PRDM10: variants seen among roughly 807,000 people sequenced by gnomAD.
PRDM10 encodes PR/SET domain 10, also known as PR domain zinc finger protein 10.
Under a neutral mutation model 133.1 loss-of-function variants are expected in PRDM10, and 65 were observed. The ratio of observed to expected loss-of-function variants is 0.49; its 90% CI spans 0.40 to 0.60. PRDM10 has a LOEUF of 0.60. PRDM10 is among the 20% of genes least tolerant of loss of function. The pLI is 0.00. For synonymous variants in PRDM10, 582 were observed against 580.4 expected (o/e 1.00, Z -0.04); for missense variants, 1,137 against 1,507.1 (o/e 0.75, Z 4.07).
intron 20 of PRDM10, among the ~76,000 whole-genome samples, chr11:129,904,612 G>T (rs1949955041): frequency 6.6e-6 from 1 of 152,118 alleles, no homozygotes; most frequent in Non-Finnish European, 1.5e-5. Flanking sequence ...CAATTCTCAT[G>T]CTTCAGCCTC....
At chr11:129,960,282 C>T (rs1393504088) in intron 2 of PRDM10, among the ~76,000 whole-genome samples, 1 of 152,134 alleles carries the variant, frequency 6.6e-6, no homozygotes, top group Non-Finnish European at 1.5e-5. Flanking sequence ...AAACATGGCT[C>T]CATATGACTG....
intron 1 of PRDM10, among the ~76,000 whole-genome samples, chr11:129,990,522 CAA>C (rs59217112): frequency 4.4e-3 from 297 of 67,080 alleles, no homozygotes; most frequent in African/African-American, 0.014. Context: ...ACTTTGTCTC[CAA>C]AAAAAAAAAA....
chr11:129,944,025 A>G (rs1484711767), intron 6 of PRDM10, among the ~76,000 whole-genome samples: 1 of 152,060 alleles, frequency 6.6e-6, no homozygotes, highest in African/African-American at 2.4e-5. Flanking sequence ...AACATTATAA[A>G]TAAATAAGAA....
intron 18 of PRDM10, among the ~76,000 whole-genome samples, chr11:129,910,900 G>T (rs1287194762): frequency 6.6e-6 from 1 of 151,874 alleles, no homozygotes; most frequent in Non-Finnish European, 1.5e-5. Context: ...CCTCAGCCTC[G>T]CGAGTAGCTA....
intron 7 of PRDM10, among the ~76,000 whole-genome samples, chr11:129,940,519 T>C (rs1230548915): frequency 2.0e-5 from 3 of 152,348 alleles, no homozygotes; most frequent in African/African-American, 4.8e-5. Context: ...TAGTAGCTCA[T>C]AGTTATTTTG....
At chr11:129,931,860 G>A (rs1448840767) in intron 10 of PRDM10, among the ~76,000 whole-genome samples, 1 of 152,180 alleles carries the variant, frequency 6.6e-6, no homozygotes, top group East Asian at 1.9e-4. Flanking sequence ...GAGCCACTGC[G>A]CCTGGCCAAG....
intron 7 of PRDM10, among the ~76,000 whole-genome samples, chr11:129,940,045 TCAAA>T (rs1951158255): frequency 6.6e-6 from 1 of 152,086 alleles, no homozygotes; most frequent in African/African-American, 2.4e-5. Flanking sequence ...CACAATGAAG[TCAAA>T]CAGTGATGCA....
Position 129,931,046 on chromosome 11 carries a change from G to C in PRDM10, c.1500C>G (p.Ala500=), listed in dbSNP as rs775572150. 94 of 1,613,754 alleles carry C rather than the reference G, an allele frequency of 5.8e-5. No individual in the cohort carries two copies. Among genetic ancestry groups the C allele is most frequent in the Non-Finnish European group, 7.8e-5 (92 of 1,179,904 alleles). The change falls in exon 11 of 21, where the codon GCC becomes GCG. Residue 500 remains alanine, a synonymous_variant. Transcript: ENST00000360871. ...TGCGCTTGGCTCTGCGCATGTCGTC[G>C]GCTGTCAGCGTGCTCTGGGTGGGCA... The part of the protein sequence containing the change: ...SVVPTQSTLT[A]DDMRRAKRIR...
chr11:129,972,009 C>T (rs1039505053), intron 1 of PRDM10, among the ~76,000 whole-genome samples: 44 of 152,350 alleles, frequency 2.9e-4, no homozygotes, highest in African/African-American at 9.9e-4. Context: ...GGTGAGAAAT[C>T]GAGTGCAGCG....
chr11:129,910,502 C>T lies in PRDM10; in HGVS notation c.3137G>A (p.Ser1046Asn), dbSNP rs1405211204. 5 of 1,614,038 alleles carry T rather than the reference C, an allele frequency of 3.1e-6. No individual in the cohort carries two copies. The highest frequency in any genetic ancestry group is 4.2e-6 in the Non-Finnish European group (5 of 1,180,058). The part of the protein sequence containing the change: ...NSSVQHTYLP[S>N]AWNSFRGYSS... ...ATAGCCACGGAAGGAATTCCAAGCA[C>T]TGGGCAGGTACGTGTGCTGCACAGA... Residue 1046 changes from serine (S) to asparagine (N), a missense_variant, in exon 19 of 21, where the codon AGT becomes AAT. Ser to Asn is a conservative substitution (Grantham distance 46, BLOSUM62 1). Coordinates refer to ENST00000360871, the MANE Select transcript of PRDM10 (RefSeq NM_199437.2).
intron 13 of PRDM10, among the ~76,000 whole-genome samples, chr11:129,922,248 T>C (rs1334919207): frequency 1.3e-5 from 2 of 152,196 alleles, no homozygotes; most frequent in African/African-American, 4.8e-5. Context: ...TGTTAAAATA[T>C]GGTATCTGGC....
intron 1 of PRDM10, among the ~76,000 whole-genome samples, 197 bp downstream of exon 1, chr11:130,002,525 G>C (rs1412599086): frequency 4.6e-5 from 7 of 151,968 alleles, no homozygotes; most frequent in African/African-American, 1.7e-4. Context: ...GTGCCGCCGG[G>C]ATTTCTCCCC....
intron 13 of PRDM10, among the ~76,000 whole-genome samples, chr11:129,919,529 A>T (rs1950460108): frequency 6.6e-6 from 1 of 152,212 alleles, no homozygotes; most frequent in African/African-American, 2.4e-5. Flanking sequence ...GTTCACTATG[A>T]TGGAGCATGG....
chr11:129,915,933 T>A (rs987708742), intron 15 of PRDM10, 73 bp from the exon 16 acceptor site: 10 of 1,413,890 alleles, frequency 7.1e-6, no homozygotes, highest in Non-Finnish European at 9.6e-6. Context: ...ACTAACAATT[T>A]CATTATAAGA....
intron 3 of PRDM10, 135 bp from the exon 4 acceptor site, chr11:129,955,706 A>C: frequency 1.5e-6 from 1 of 653,162 alleles, no homozygotes; most frequent in Non-Finnish European, 2.6e-6. Context: ...GCTTTCATTA[A>C]TACAGAAAAT....
intron 4 of PRDM10, among the ~76,000 whole-genome samples, chr11:129,954,001 A>G (rs1951646321): frequency 6.7e-6 from 1 of 149,146 alleles, no homozygotes; most frequent in Non-Finnish European, 1.5e-5. Flanking sequence ...GAATATACCT[A>G]AGTATTATAA....
intron 1 of PRDM10, among the ~76,000 whole-genome samples, chr11:129,979,645 C>T (rs896616510): frequency 6.6e-6 from 1 of 152,166 alleles, no homozygotes; most frequent in African/African-American, 2.4e-5. Flanking sequence ...GTTTTTTTGA[C>T]CAGCACAGTC....
rs187762497 is a variant in PRDM10, at chr11:129,918,983, T to C, written c.2035-265A>G. Among the ~76,000 whole-genome samples the C allele has an allele frequency of 2.6e-4, 40 of 152,296 alleles. No homozygotes were observed. In the East Asian group the frequency reaches 7.5e-3, roughly 29 times the overall value. On this transcript the variant is annotated intron_variant, in intron 13 of 20. Coordinates refer to ENST00000360871, the MANE Select transcript of PRDM10 (RefSeq NM_199437.2). This position sits in a 1 kb window ranked among gnomAD's most constrained non-coding sequence, Gnocchi z 5.3. ...CATACCGACTTTTGAGAATAAAGAC[T>C]GTGCATTTATGTAGAGGAGATTAAA...
rs1950581554 is a variant in PRDM10 at position 129,923,643 on chromosome 11, T to TGAGGGAGAGAGAGAGA, written c.1879-241_1879-240insTCTCTCTCTCTCCCTC. On this transcript the variant is annotated intron_variant, in intron 12 of 20. Transcript: ENST00000360871. This position sits in a 1 kb window ranked among gnomAD's most constrained non-coding sequence, Gnocchi z 4.4. The stretch of plus-strand genomic sequence containing the variant: ...CGAACCTCCCCGATGACTTGAAACG[T>TGAGGGAGAGAGAGAGA]GAGAGAGAGAGAGAGAGAGAGAGAG... Among the ~76,000 whole-genome samples the TGAGGGAGAGAGAGAGA allele has an allele frequency of 1.5e-5, 1 of 65,866 alleles. No individual in the cohort carries two copies. Among genetic ancestry groups the TGAGGGAGAGAGAGAGA allele is most frequent in the East Asian group, 7.0e-4 (1 of 1,420 alleles). 43.2% of individuals were successfully genotyped at this position (65,866 alleles called of 152,430 possible).
Sources: allele counts gnomAD v4.1 joint callset (sites outside exome capture counted in the v4.1 genomes callset), GRCh38; gene constraint gnomAD v4.1.1; non-coding constraint Gnocchi (gnomAD v3.1); transcripts MANE v1.5; gene names NCBI Gene and HGNC (gene_info 2026-07-23, HGNC 2026-07-21).